Variants in AP1G1 observed in about 807,000 individuals in gnomAD.
AP1G1 encodes the protein AP-1 complex subunit gamma-1.
Under a neutral mutation model 108.3 loss-of-function variants are expected in AP1G1, and 7 were observed. The observed-to-expected ratio is 0.06, with a 90% CI of 0.04 to 0.12. The LOEUF (loss-of-function observed/expected upper bound fraction) is 0.12. AP1G1 is among the 10% of genes least tolerant of loss of function. AP1G1 has a pLI of 1.00. For synonymous variants in AP1G1, 379 were observed against 353.5 expected (o/e 1.07, Z -0.81); for missense variants, 756 against 1,010.7 (o/e 0.75, Z 3.42).
intron 2 of AP1G1, among the ~76,000 whole-genome samples, chr16:71,779,444 A>G (rs1181085650): frequency 3.9e-5 from 6 of 151,966 alleles, no homozygotes; most frequent in Non-Finnish European, 5.9e-5. Flanking sequence ...ACGTTCAAGC[A>G]GTTCTCGTGC....
In AP1G1 at chr16:71,765,099, G is replaced by A. The variant is rs547154769; in HGVS notation, c.739-373C>T. Among the ~76,000 whole-genome samples, 21 of 152,308 alleles carry A rather than the reference G, an allele frequency of 1.4e-4. No individual in the cohort carries two copies. In the South Asian group the frequency reaches 3.7e-3, roughly 27 times the overall value. ...CTCTTGCCTGTAATCCCAGTACTTT[G>A]AGAGGCTGAGGGGGGCGGGCTACTT... On this transcript the variant is annotated intron_variant, in intron 7 of 22. Coordinates refer to ENST00000299980, the MANE Select transcript of AP1G1 (RefSeq NM_001128.6).
intron 2 of AP1G1, among the ~76,000 whole-genome samples, chr16:71,775,881 A>G (rs995528226): frequency 1.3e-5 from 2 of 152,246 alleles, no homozygotes; most frequent in Non-Finnish European, 2.9e-5. Context: ...TTAGGGCTTA[A>G]GAGTTCTTGT....
chr16:71,745,683 T>G (rs1211135295), intron 17 of AP1G1, 69 bp from the exon 18 acceptor site: 1 of 1,332,566 alleles, frequency 7.5e-7, no homozygotes, highest in Non-Finnish European at 1.1e-6. Flanking sequence ...TAATCACCAT[T>G]AACTATGTTG....
intron 2 of AP1G1, among the ~76,000 whole-genome samples, chr16:71,784,293 G>T (rs1198268122): frequency 1.3e-5 from 2 of 152,142 alleles, no homozygotes; most frequent in Admixed American, 6.5e-5. Context: ...AAAGGTTAAA[G>T]ATCTTGCTCA....
intron 10 of AP1G1, among the ~76,000 whole-genome samples, chr16:71,760,528 A>G (rs1283935796): frequency 1.3e-5 from 2 of 149,992 alleles, no homozygotes; most frequent in African/African-American, 2.5e-5. Flanking sequence ...CTGGGCAACA[A>G]GAGCGAAACT....
intron 19 of AP1G1, chr16:71,743,344 C>G (rs2029969076): frequency 6.6e-6 from 1 of 151,968 alleles, no homozygotes; most frequent in Non-Finnish European, 1.5e-5. Flanking sequence ...GCTAACCATC[C>G]AACTTGTTAT....
chr16:71,744,728 A>C (rs1164829956), intron 19 of AP1G1, among the ~76,000 whole-genome samples: 2 of 151,856 alleles, frequency 1.3e-5, no homozygotes, highest in Non-Finnish European at 1.5e-5. Flanking sequence ...GGCATGCACC[A>C]CTTCACCCGG....
rs141209046 is a variant in AP1G1 at position 71,773,053 on chromosome 16, C to G, written c.468+168G>C. On this transcript the variant is annotated intron_variant, in intron 4 of 22. Transcript: ENST00000299980. ...ACATTTGTTTGTTTATAAATCATTT[C>G]CTTAAGAAAAGAGGAATTAAGGTTA... 1.5e-3 allele frequency: 1,198 copies of G among 796,732 alleles called. 11 individuals carry two copies. In the African/African-American group the frequency reaches 0.018, roughly 12 times the overall value. The allele number at this position is 796,732 out of a possible 1,614,324, so 49.4% of individuals were successfully genotyped here. A position where few individuals can be genotyped will look rare whatever the true frequency, so the allele number is the denominator to read the frequency against.
rs750802908 is a variant in AP1G1, at chr16:71,771,192, G to T, written c.529C>A (p.Pro177Thr). ...TCATTCAATAAATTTTTTGTTGCTG[G>T]TAAAAACATCTCCATAAGTTCAGGA... ...KVPELMEMFLPATKNLLNEKN... is the reference protein window; with the variant it reads ...KVPELMEMFLTATKNLLNEKN... Residue 177 changes from proline (P) to threonine (T), a missense_variant, in exon 5 of 23, where the codon CCA becomes ACA. Physicochemically the swap from Pro to Thr is conservative, Grantham distance 38. Around this residue, in one of 3 missense-constraint regions of AP1G1, gnomAD observed 304 missense variants for 483.6 expected, o/e 0.63. Transcript: ENST00000299980. 3.1e-6 allele frequency: 5 copies of T among 1,609,828 alleles called. No homozygotes were observed. Among genetic ancestry groups the T allele is most frequent in the Non-Finnish European group, 3.4e-6 (4 of 1,178,372 alleles).
chr16:71,800,447 C>T (rs2032752251), intron 1 of AP1G1, among the ~76,000 whole-genome samples: 2 of 151,242 alleles, frequency 1.3e-5, no homozygotes, highest in African/African-American at 4.9e-5. Context: ...TTTGGGAGGC[C>T]AAGGTGGGAG....
chr16:71,764,791 T>A, intron 7 of AP1G1, 65 bp from the exon 8 acceptor site: 1 of 1,034,944 alleles, frequency 9.7e-7, no homozygotes, highest in Non-Finnish European at 1.5e-6. Context: ...TCACTTGGTA[T>A]GAAATTCAAA....
intron 10 of AP1G1, among the ~76,000 whole-genome samples, chr16:71,760,230 CT>C (rs58466690): frequency 0.83 from 107,569 of 129,966 alleles, 44,324 homozygotes; most frequent in East Asian, 0.98. Context: ...ATTTCCACAT[CT>C]TTTTTTTTTT....
intron 2 of AP1G1, chr16:71,777,889 G>A (rs1384801435): frequency 8.8e-6 from 2 of 226,254 alleles, no homozygotes; most frequent in Non-Finnish European, 1.9e-5. Context: ...AGACAGAGGG[G>A]CCCTGGACAG....
rs2032318918 is a variant in AP1G1, at chr16:71,789,420, T to C, written c.60A>G (p.Gln20=). 2 of 1,614,206 alleles carry C rather than the reference T, an allele frequency of 1.2e-6. No homozygotes were observed. Among genetic ancestry groups the C allele is most frequent in the East Asian group, 2.2e-5 (1 of 44,888 alleles). ...TCTGGATCATTTCTCGTTCTTCAGC[T>C]TGGGTTCGGGCTGTCCGGATGGTCC... is the stretch of plus-strand genomic sequence containing the variant. ...LIRTIRTART[Q]AEEREMIQKE... Residue 20 remains glutamine (Q), a synonymous_variant, in exon 2 of 23, where the codon CAA becomes CAG. Transcript: ENST00000299980.
intron 2 of AP1G1, among the ~76,000 whole-genome samples, chr16:71,785,559 G>C (rs1454751908): frequency 8.6e-6 from 1 of 116,922 alleles, no homozygotes; most frequent in Non-Finnish European, 1.6e-5. Context: ...TGAGTGACAA[G>C]AGCGAAACCC....
At chr16:71,759,587 CG>C (rs1464988913) in intron 10 of AP1G1, among the ~76,000 whole-genome samples, 1 of 151,934 alleles carries the variant, frequency 6.6e-6, no homozygotes, top group Non-Finnish European at 1.5e-5. Flanking sequence ...GGTGAAACCA[CG>C]TCTCTACTAA....
At chr16:71,798,597 ATGAGGCCGGGCG>A (rs1243821343) in intron 1 of AP1G1, among the ~76,000 whole-genome samples, 1 of 151,324 alleles carries the variant, frequency 6.6e-6, no homozygotes, top group East Asian at 2.0e-4. Flanking sequence ...TAAAAGATAA[ATGAGGCCGGGCG>A]TGGTGCGGTG....
At chr16:71,790,263 A>C (rs900752118) in intron 1 of AP1G1, among the ~76,000 whole-genome samples, 1 of 152,194 alleles carries the variant, frequency 6.6e-6, no homozygotes, top group Admixed American at 6.6e-5. Context: ...GAAGCAGGCC[A>C]GGCACGGTGG....
intron 1 of AP1G1, among the ~76,000 whole-genome samples, chr16:71,806,081 T>G (rs2032989746): frequency 6.6e-6 from 1 of 152,130 alleles, no homozygotes. Context: ...TTGGTTTTGT[T>G]TGCATACCAC....
Sources: allele counts gnomAD v4.1 joint callset (sites outside exome capture counted in the v4.1 genomes callset), GRCh38; gene constraint gnomAD v4.1.1; regional missense constraint gnomAD v4.1.1; transcripts MANE v1.5; gene names NCBI Gene and HGNC (gene_info 2026-07-23, HGNC 2026-07-21).